The following HERC5 variants were observed in gnomAD, a reference collection of about 807,000 sequenced individuals.
HERC5 encodes E3 ISG15--protein ligase HERC5.
Under a neutral mutation model 119.6 loss-of-function variants are expected in HERC5, and 99 were observed. The ratio of observed to expected loss-of-function variants is 0.83; its 90% CI spans 0.70 to 0.98. The LOEUF (loss-of-function observed/expected upper bound fraction) is 0.98. HERC5 is among the 50% of genes least tolerant of loss of function. HERC5 has a pLI of 0.00. For missense variants in HERC5, 1,267 were observed against 1,241.3 expected (o/e 1.02, Z -0.31); for synonymous variants, 478 against 445.9 (o/e 1.07, Z -0.91).
intron 13 of HERC5, among the ~76,000 whole-genome samples, chr4:88,484,074 A>G (rs1176379645): frequency 6.6e-6 from 1 of 152,054 alleles, no homozygotes; most frequent in African/African-American, 2.4e-5. Context: ...CAGTTCATGA[A>G]TTCTCTTTTC....
At position 88,500,985 on chromosome 4, in the gene HERC5, A is replaced by C; in HGVS notation, c.2582A>C (p.Lys861Thr). Residue 861 changes from lysine (K) to threonine (T), a missense_variant and splice_region_variant, in exon 20 of 23, where the codon AAG becomes ACG. Around this residue, in one of 3 missense-constraint regions of HERC5, gnomAD observed 473 missense variants for 445.7 expected, o/e 1.06. Transcript: ENST00000264350. ...GSSITVNQTN[K>T]RDYVSKYINY... ...AGCATAACTGTCAACCAGACTAACA[A>C]GTAGGTACAAAAAATGAAATAGTTG... 6.2e-7 allele frequency: 1 copy of C among 1,601,874 alleles called. No homozygotes were observed. Among genetic ancestry groups the C allele is most frequent in the Non-Finnish European group, 8.5e-7 (1 of 1,172,774 alleles).
chr4:88,475,863 A>G lies in HERC5; in HGVS notation c.1415A>G (p.Asn472Ser). The G allele has an allele frequency of 6.2e-7, 1 of 1,613,990 alleles. No individual in the cohort carries two copies. Among genetic ancestry groups the G allele is most frequent in the Non-Finnish European group, 8.5e-7 (1 of 1,179,978 alleles). Residue 472 changes from asparagine to serine, a missense_variant, in exon 12 of 23, where the codon AAT (asparagine) becomes AGT (serine). By Grantham distance (46) the Asn-to-Ser change is conservative. Coordinates refer to ENST00000264350, the MANE Select transcript of HERC5 (RefSeq NM_016323.4). ...CAGATAACCACCTGCCTCAAAGATAATCTGCTCAAAAGACTTCCATTTCAT... is the reference window on the plus strand; with the variant it reads ...CAGATAACCACCTGCCTCAAAGATAGTCTGCTCAAAAGACTTCCATTTCAT... Reference protein sequence around the residue: ...TNMITTCLKDNLLKRLPFHSP... With the variant: ...TNMITTCLKDSLLKRLPFHSP...
In HERC5 at chr4:88,459,398, C is replaced by A. The variant is rs370884693; in HGVS notation, c.317C>A (p.Ala106Glu). The A allele has an allele frequency of 3.9e-5, 63 of 1,597,508 alleles. No individual in the cohort carries two copies. The Middle Eastern group carries it at 5.0e-4, about 13-fold the overall frequency. ...AAGATACATTCCGTGGACCAAGGAGCAGAGCACATGCTGATTCTCTCATCA... is the reference window on the plus strand; with the variant it reads ...AAGATACATTCCGTGGACCAAGGAGAAGAGCACATGCTGATTCTCTCATCA... ...NMKIHSVDQG[A>E]EHMLILSSDG... Residue 106 changes from alanine (A) to glutamate (E), a missense_variant, in exon 2 of 23, where the codon GCA becomes GAA. This residue lies in a region of HERC5 where 777 missense variants were observed against 758.0 expected (regional missense o/e 1.03). Coordinates refer to ENST00000264350, the MANE Select transcript of HERC5 (RefSeq NM_016323.4).
intron 16 of HERC5, among the ~76,000 whole-genome samples, chr4:88,491,565 T>C (rs547680309): frequency 2.0e-4 from 31 of 152,230 alleles, no homozygotes; most frequent in African/African-American, 7.2e-4. Flanking sequence ...GAAAAGGACA[T>C]GATCAGAAGT....
intron 2 of HERC5, 53 bp from the exon 3 acceptor site, chr4:88,460,042 A>G (rs532872940): frequency 7.4e-5 from 74 of 993,814 alleles, no homozygotes; most frequent in Non-Finnish European, 1.1e-4. Flanking sequence ...TCTAAAATCC[A>G]TGTTGTAACT....
rs1429316715 is a variant in HERC5, at chr4:88,459,368, A to T, written c.287A>T (p.Asn96Ile). 3 of 1,585,550 alleles carry T rather than the reference A, an allele frequency of 1.9e-6. No individual in the cohort carries two copies. Among genetic ancestry groups the T allele is most frequent in the South Asian group, 2.4e-5 (2 of 84,826 alleles). Residue 96 changes from asparagine to isoleucine, a missense_variant, in exon 2 of 23, where the codon AAC becomes ATC. Asn to Ile is a moderately radical substitution (Grantham distance 149, BLOSUM62 -3). Coordinates refer to ENST00000264350, the MANE Select transcript of HERC5 (RefSeq NM_016323.4). The stretch of plus-strand genomic sequence containing the variant: ...GTAGAATGCATTAAATTAGGAAAAA[A>T]CATGAAGATACATTCCGTGGACCAA... Reference protein sequence around the residue: ...RTPKCIKLGKNMKIHSVDQGA... With the variant: ...RTPKCIKLGKIMKIHSVDQGA...
Position 88,457,154 on chromosome 4 carries a change from C to G in HERC5, c.-116C>G. On this transcript the variant is annotated 5_prime_UTR_variant, in exon 1 of 23. Coordinates refer to ENST00000264350, the MANE Select transcript of HERC5 (RefSeq NM_016323.4). ...GCTGCGGTTCCCCGACGCCACGCAG[C>G]TGCGCGCAGCTGGTTCCCGCTCTGC... is the stretch of plus-strand genomic sequence containing the variant. 2 of 1,233,306 alleles carry G rather than the reference C, an allele frequency of 1.6e-6. No individual in the cohort carries two copies. Among genetic ancestry groups the G allele is most frequent in the Non-Finnish European group, 2.0e-6 (2 of 988,164 alleles). The allele number at this position is 1,233,306 out of a possible 1,614,324, so 76.4% of individuals were successfully genotyped here.
intron 20 of HERC5, among the ~76,000 whole-genome samples, chr4:88,503,326 C>T (rs1159862739): frequency 2.6e-5 from 4 of 152,144 alleles, no homozygotes; most frequent in African/African-American, 4.8e-5. Context: ...TTGTTTAAAT[C>T]GTCTTTTGTC....
chr4:88,487,034 TA>T, intron 14 of HERC5, 34 bp from the exon 15 acceptor site: 10 of 1,445,338 alleles, frequency 6.9e-6, no homozygotes, highest in Non-Finnish European at 8.7e-6. Context: ...CTCTGTCCTT[TA>T]ACTTATCAGA....
At chr4:88,481,373 T>G (rs1335743051) in intron 13 of HERC5, among the ~76,000 whole-genome samples, 2 of 152,096 alleles carry the variant, frequency 1.3e-5, no homozygotes, top group Admixed American at 6.6e-5. Flanking sequence ...TTTTTCTTAG[T>G]GCTTACAAGA....
chr4:88,505,929 G>A lies in HERC5; in HGVS notation c.*51G>A, dbSNP rs1439038667. ...TTTTGTTGTTGTTATCGTTGTTGTTGTTGTTGTTGTTGTTGTTTCTCTACT... is the reference window on the plus strand; with the variant it reads ...TTTTGTTGTTGTTATCGTTGTTGTTATTGTTGTTGTTGTTGTTTCTCTACT... On this transcript the variant is annotated 3_prime_UTR_variant, in exon 23 of 23. Transcript: ENST00000264350. 5.2e-6 allele frequency: 7 copies of A among 1,348,078 alleles called. No individual in the cohort carries two copies. The highest frequency in any genetic ancestry group is 7.2e-6 in the Non-Finnish European group (7 of 970,114). 83.5% of individuals were successfully genotyped at this position (1,348,078 alleles called of 1,614,324 possible).
At position 88,476,043 on chromosome 4, in the gene HERC5, A is replaced by G. The variant is rs777755774; in HGVS notation, c.1582+13A>G. 49 of 1,601,218 alleles carry G rather than the reference A, an allele frequency of 3.1e-5. No homozygotes were observed. The highest frequency in any genetic ancestry group is 3.8e-5 in the Non-Finnish European group (45 of 1,172,854). On this transcript the variant is annotated intron_variant, in intron 12 of 22. Transcript: ENST00000264350. The stretch of plus-strand genomic sequence containing the variant: ...TCACTGGTTCTGGGTAAGTTTGATC[A>G]TTTGAAGATACTTTACCTGTCTTCT...
At chr4:88,479,141 C>T (rs1041134616) in intron 12 of HERC5, among the ~76,000 whole-genome samples, 15 of 151,704 alleles carry the variant, frequency 9.9e-5, no homozygotes, top group African/African-American at 2.4e-4. Context: ...AAAAATTAGC[C>T]GGGCATGGTG....
intron 6 of HERC5, among the ~76,000 whole-genome samples, chr4:88,466,307 T>A (rs1740662221): frequency 6.6e-6 from 1 of 152,126 alleles, no homozygotes. Flanking sequence ...GTCTTAAACT[T>A]CTGGGTTCAA....
At chr4:88,464,609 G>T (rs1332429210) in intron 6 of HERC5, among the ~76,000 whole-genome samples, 1 of 150,460 alleles carries the variant, frequency 6.6e-6, no homozygotes, top group Non-Finnish European at 1.5e-5. Context: ...TTTTTTTTGA[G>T]GCAGAGTATT....
At chr4:88,474,955 A>G (rs148072740) in intron 11 of HERC5, among the ~76,000 whole-genome samples, 5 of 152,350 alleles carry the variant, frequency 3.3e-5, no homozygotes, top group African/African-American at 1.2e-4. Flanking sequence ...ACAAAAATTC[A>G]GAATTCCATT....
Position 88,494,154 on chromosome 4 carries a change from T to C in HERC5, c.2278-11T>C, listed in dbSNP as rs773471925. ...CTCATAATACTTTAAGATTTTTTTT[T>C]CGCTTTTCAGCCTAAATTTGAGAAG... On this transcript the variant is annotated splice_polypyrimidine_tract_variant and intron_variant, in intron 17 of 22. Coordinates refer to ENST00000264350, the MANE Select transcript of HERC5 (RefSeq NM_016323.4). 6.3e-7 allele frequency: 1 copy of C among 1,581,522 alleles called. No individual in the cohort carries two copies.
In HERC5 at chr4:88,457,421, A is replaced by T; in HGVS notation, c.152A>T (p.Glu51Val). ...GLHRALLRRV[E>V]VTRQLCCSPG... ...CACCGCGCGCTGCTCCGGAGGGTGGAGGTGACGCGCCAACTCTGCTGCTCG... is the reference window on the plus strand; with the variant it reads ...CACCGCGCGCTGCTCCGGAGGGTGGTGGTGACGCGCCAACTCTGCTGCTCG... Residue 51 changes from glutamate to valine, a missense_variant, in exon 1 of 23, where the codon GAG (glutamate) becomes GTG (valine). Glu to Val is a moderately radical substitution (Grantham distance 121). Coordinates refer to ENST00000264350, the MANE Select transcript of HERC5 (RefSeq NM_016323.4). 7.3e-7 allele frequency: 1 copy of T among 1,372,672 alleles called. No individual in the cohort carries two copies. 85.0% of individuals were successfully genotyped at this position (1,372,672 alleles called of 1,614,324 possible).
intron 16 of HERC5, among the ~76,000 whole-genome samples, chr4:88,489,944 G>A (rs1741582414): frequency 6.6e-6 from 1 of 152,034 alleles, no homozygotes; most frequent in South Asian, 2.1e-4. Flanking sequence ...AGGAAGCAGA[G>A]GTTGCAATGA....
Sources: gnomAD v4.1 joint callset for allele counts (sites outside exome capture counted in the v4.1 genomes callset) on GRCh38, gnomAD v4.1.1 for gene constraint, gnomAD v4.1.1 regional missense constraint, MANE v1.5 for transcripts, NCBI Gene and HGNC (gene_info 2026-07-23, HGNC 2026-07-21) for gene names.